The following PTPRN2 variants were observed in gnomAD, a reference collection of about 807,000 sequenced individuals.
PTPRN2 encodes protein tyrosine phosphatase receptor type N2, also known as receptor-type tyrosine-protein phosphatase N2.
PTPRN2 carries 74 observed loss-of-function variants against 118.8 expected under a neutral mutation model. That is an observed-to-expected ratio of 0.62 (90% confidence interval 0.52 to 0.76). The LOEUF (loss-of-function observed/expected upper bound fraction) is 0.76. PTPRN2 is among the 30% of genes least tolerant of loss of function. The pLI, the probability that PTPRN2 is intolerant of heterozygous loss-of-function variation, is 0.00. For missense variants in PTPRN2, 1,481 were observed against 1,394.4 expected (o/e 1.06, Z -0.99); for synonymous variants, 641 against 608.0 (o/e 1.05, Z -0.80).
Position 158,100,265 on chromosome 7 carries a change from G to C in PTPRN2, c.1643+10564C>G, listed in dbSNP as rs569184283. Among the ~76,000 whole-genome samples the C allele has an allele frequency of 3.3e-5, 5 of 152,092 alleles. No homozygotes were observed. In the South Asian group the frequency reaches 6.2e-4, roughly 19 times the overall value. On this transcript the variant is annotated intron_variant, in intron 10 of 22. Transcript: ENST00000389418. ...ATGGGGTGTGTGTGTGTGTGTGTGT[G>C]TGTGTGTGTGTGTGCCACGATTTCT...
At chr7:158,125,418 G>A (rs955012769) in intron 9 of PTPRN2, among the ~76,000 whole-genome samples, 11 of 151,866 alleles carry the variant, frequency 7.2e-5, no homozygotes, top group Non-Finnish European at 1.6e-4. Flanking sequence ...CTCCCAGCAG[G>A]ATGGGCTGGA....
chr7:158,071,421 G>GTGGAGGTGCTCGTGGTGA (rs1811589970), intron 11 of PTPRN2, among the ~76,000 whole-genome samples: 1 of 118,692 alleles, frequency 8.4e-6, no homozygotes, highest in Non-Finnish European at 1.8e-5. Flanking sequence ...GCTCCTGGTG[G>GTGGAGGTGCTCGTGGTGA]TGGAGGTGCT....
intron 1 of PTPRN2, among the ~76,000 whole-genome samples, chr7:158,586,802 C>T (rs1199296310): frequency 6.6e-6 from 1 of 152,188 alleles, no homozygotes; most frequent in Non-Finnish European, 1.5e-5. Flanking sequence ...GCGGGACATC[C>T]GAGGCCCGGC....
chr7:158,458,228 C>T (rs1174607012), intron 2 of PTPRN2, among the ~76,000 whole-genome samples: 1 of 152,118 alleles, frequency 6.6e-6, no homozygotes, highest in African/African-American at 2.4e-5. Flanking sequence ...ACGTTATTTC[C>T]CCGACATCTG....
intron 12 of PTPRN2, among the ~76,000 whole-genome samples, chr7:157,727,244 T>C (rs1799652646): frequency 6.6e-6 from 1 of 152,158 alleles, no homozygotes; most frequent in African/African-American, 2.4e-5. Context: ...TGTGGACGGA[T>C]GGACAGAGGA....
At chr7:158,280,660 G>A (rs556193765) in intron 3 of PTPRN2, among the ~76,000 whole-genome samples, 25 of 152,356 alleles carry the variant, frequency 1.6e-4, no homozygotes, top group African/African-American at 5.5e-4. Context: ...CCGACACTGC[G>A]TAGAGACGCG....
At chr7:157,838,663 C>T (rs1329251790) in intron 12 of PTPRN2, among the ~76,000 whole-genome samples, 9 of 40,614 alleles carry the variant, frequency 2.2e-4, no homozygotes, top group Admixed American at 2.3e-4. Flanking sequence ...TCCTCTCCGC[C>T]GTGGCTACTC....
chr7:158,182,710 ATCTAC>A (rs1323194850), intron 5 of PTPRN2, among the ~76,000 whole-genome samples: 1 of 152,116 alleles, frequency 6.6e-6, no homozygotes, highest in Non-Finnish European at 1.5e-5. Context: ...CATTTTCTTC[ATCTAC>A]TCTATTTTGG....
chr7:158,323,720 C>T (rs1340010663), intron 2 of PTPRN2, among the ~76,000 whole-genome samples: 1 of 152,110 alleles, frequency 6.6e-6, no homozygotes, highest in Non-Finnish European at 1.5e-5. Context: ...CATTCGCAAG[C>T]GTCACTGTCC....
intron 12 of PTPRN2, among the ~76,000 whole-genome samples, chr7:157,853,947 C>A (rs1236675955): frequency 6.6e-6 from 1 of 152,208 alleles, no homozygotes; most frequent in African/African-American, 2.4e-5. Flanking sequence ...ACAGGGAACA[C>A]CGCGTGAAGA....
chr7:158,319,657 A>ACT (rs1471305465), intron 2 of PTPRN2, among the ~76,000 whole-genome samples: 1 of 15,844 alleles, frequency 6.3e-5, no homozygotes, highest in Non-Finnish European at 1.3e-4. Context: ...CCTCACACAC[A>ACT]CACACAGCCT....
At chr7:158,080,452 C>G (rs1349961040) in intron 11 of PTPRN2, among the ~76,000 whole-genome samples, 1 of 151,586 alleles carries the variant, frequency 6.6e-6, no homozygotes, top group Non-Finnish European at 1.5e-5. Flanking sequence ...GGAACGGGAG[C>G]ACCCTGCCTG....
chr7:158,435,539 AACT>A (rs1465792655), intron 2 of PTPRN2, among the ~76,000 whole-genome samples: 12 of 152,186 alleles, frequency 7.9e-5, no homozygotes, highest in Non-Finnish European at 1.8e-4. Context: ...TTAAAAATAG[AACT>A]ACTATTTGAT....
In PTPRN2 at chr7:157,834,538, T is replaced by G. The variant is rs183936380; in HGVS notation, c.1788+64135A>C. Reference sequence around the variant, plus strand: ...CCACCAATCAGTGAGCCAGAAGCACTCCCTGTGATCAATCCATCAATTGAT... The same window carrying G: ...CCACCAATCAGTGAGCCAGAAGCACGCCCTGTGATCAATCCATCAATTGAT... On this transcript the variant is annotated intron_variant, in intron 12 of 22. Transcript: ENST00000389418. Among the ~76,000 whole-genome samples the G allele has an allele frequency of 4.1e-3, 625 of 152,220 alleles. 11 individuals are homozygous for G. Among genetic ancestry groups the G allele is most frequent in the African/African-American group, 0.014 (591 of 41,462 alleles).
At chr7:158,535,028 G>A (rs565318916) in intron 1 of PTPRN2, among the ~76,000 whole-genome samples, 1 of 152,302 alleles carries the variant, frequency 6.6e-6, no homozygotes, top group African/African-American at 2.4e-5. Context: ...TTAGAGACCA[G>A]CCACCTCCAA....
intron 11 of PTPRN2, among the ~76,000 whole-genome samples, chr7:158,037,829 G>T (rs568790604): frequency 3.9e-5 from 6 of 152,300 alleles, no homozygotes; most frequent in Middle Eastern, 3.4e-3. Flanking sequence ...AATGGGGGAG[G>T]GTTGCAATTC....
chr7:158,562,360 C>A (rs1827442653), intron 1 of PTPRN2, among the ~76,000 whole-genome samples: 1 of 152,142 alleles, frequency 6.6e-6, no homozygotes, highest in African/African-American at 2.4e-5. Context: ...CCTCCCAAAG[C>A]CCCCATCTCC....
chr7:158,522,358 TCCAGGTGCTGGC>T (rs2129447927), intron 1 of PTPRN2, among the ~76,000 whole-genome samples: 2 of 131,780 alleles, frequency 1.5e-5, no homozygotes, highest in African/African-American at 6.0e-5. Flanking sequence ...TGGTGGACTG[TCCAGGTGCTGGC>T]TCGGGAGGGA....
intron 6 of PTPRN2, among the ~76,000 whole-genome samples, chr7:158,158,262 C>T (rs1822016066): frequency 6.6e-6 from 1 of 152,258 alleles, no homozygotes; most frequent in Non-Finnish European, 1.5e-5. Context: ...TTATAATCTA[C>T]TGCTGTCACC....
Sources: gnomAD v4.1 joint callset for allele counts (sites outside exome capture counted in the v4.1 genomes callset) on GRCh38, gnomAD v4.1.1 for gene constraint, MANE v1.5 for transcripts, NCBI Gene and HGNC (gene_info 2026-07-23, HGNC 2026-07-21) for gene names.